Variants in ADAR observed in about 807,000 individuals in gnomAD.
ADAR encodes the protein double-stranded RNA-specific adenosine deaminase.
A neutral mutation model predicts 113.2 loss-of-function variants in ADAR; 41 were observed. The ratio of observed to expected loss-of-function variants is 0.36; its 90% CI spans 0.28 to 0.47. The LOEUF (loss-of-function observed/expected upper bound fraction) is 0.47, where lower values mean the gene tolerates loss of function less well. Among genes scored for constraint, ADAR ranks in the 20% least tolerant of loss-of-function variants. The probability of loss-of-function intolerance (pLI) is 1.00; values close to 1 mark genes in which losing one functional copy is unlikely to be tolerated. For missense variants in ADAR, 1,242 were observed against 1,540.9 expected (o/e 0.81, Z 3.25); for synonymous variants, 605 against 572.6 (o/e 1.06, Z -0.81).
chr1:154,586,156 C>A, intron 12 of ADAR, 25 bp downstream of exon 12: 1 of 1,613,684 alleles, frequency 6.2e-7, no homozygotes, highest in South Asian at 1.1e-5. Context: ...CAGACCAGTT[C>A]CAGATCCCAA....
intron 1 of ADAR, among the ~76,000 whole-genome samples, chr1:154,625,287 A>G (rs917572340): frequency 2.6e-5 from 4 of 152,196 alleles, no homozygotes; most frequent in Non-Finnish European, 5.9e-5. Flanking sequence ...CATTGCTGGG[A>G]TACTAGTCAC....
intron 1 of ADAR, among the ~76,000 whole-genome samples, chr1:154,616,525 C>A (rs1184809386): frequency 6.6e-6 from 1 of 152,184 alleles, no homozygotes; most frequent in Non-Finnish European, 1.5e-5. Context: ...GTAGTCAACA[C>A]TTCTGGAGGA....
At position 154,590,530 on chromosome 1, in the gene ADAR, C is replaced by G; in HGVS notation, c.2271-121G>C. On this transcript the variant is annotated intron_variant, in intron 6 of 14. Coordinates refer to ENST00000368474, the MANE Select transcript of ADAR (RefSeq NM_001111.5). ...AACATATGGACCCGTCAAACAGAAG[C>G]TGTTTCTAAGGCAGCATTTCCTAGA... 4 of 944,844 alleles carry G rather than the reference C, an allele frequency of 4.2e-6. No homozygotes were observed. In the South Asian group the frequency reaches 5.4e-5, roughly 13 times the overall value. The allele number at this position is 944,844 out of a possible 1,614,324, so 58.5% of individuals were successfully genotyped here.
At chr1:154,626,494 C>T (rs913384045) in intron 1 of ADAR, among the ~76,000 whole-genome samples, 1 of 152,038 alleles carries the variant, frequency 6.6e-6, no homozygotes, top group African/African-American at 2.4e-5. Context: ...TTGAGATTTC[C>T]CCTCCACTAC....
At position 154,602,261 on chromosome 1, in the gene ADAR, G is replaced by A. The variant is rs780672456; in HGVS notation, c.381C>T (p.Ser127=). The stretch of plus-strand genomic sequence containing the variant: ...AGATACTCAGTTCCTGGAAATGTGA[G>A]GAAAGGCAATCAACACCTCTCTGTG... ...SLPQRGVDCL[S]SHFQELSIYQ... The change falls in exon 2 of 15, where the codon TCC becomes TCT. Residue 127 remains serine, a synonymous_variant. Coordinates refer to ENST00000368474, the MANE Select transcript of ADAR (RefSeq NM_001111.5). 2 of 1,614,194 alleles carry A rather than the reference G, an allele frequency of 1.2e-6. No individual in the cohort carries two copies. Among genetic ancestry groups the A allele is most frequent in the Non-Finnish European group, 1.7e-6 (2 of 1,180,022 alleles).
intron 3 of ADAR, 81 bp from the exon 4 acceptor site, chr1:154,598,057 G>A: frequency 6.7e-7 from 1 of 1,498,060 alleles, no homozygotes; most frequent in Non-Finnish European, 9.1e-7. Flanking sequence ...ATGGGGATGG[G>A]GGACTTTATT....
chr1:154,620,077 A>G (rs185699823), intron 1 of ADAR, among the ~76,000 whole-genome samples: 1 of 152,346 alleles, frequency 6.6e-6, no homozygotes, highest in Non-Finnish European at 1.5e-5. Flanking sequence ...TTGCACAACA[A>G]TGTGACTATA....
intron 1 of ADAR, among the ~76,000 whole-genome samples, chr1:154,627,380 G>T (rs562363704): frequency 6.6e-6 from 1 of 152,222 alleles, no homozygotes; most frequent in Non-Finnish European, 1.5e-5. Flanking sequence ...TTATCTCTGG[G>T]ATAAAGGGCC....
At chr1:154,623,555 T>G (rs779545267) in intron 1 of ADAR, among the ~76,000 whole-genome samples, 4 of 152,228 alleles carry the variant, frequency 2.6e-5, no homozygotes, top group Non-Finnish European at 5.9e-5. Context: ...GCAGTTTACT[T>G]CCTCATCCCA....
At chr1:154,624,747 G>A (rs1305193684) in intron 1 of ADAR, among the ~76,000 whole-genome samples, 1 of 152,216 alleles carries the variant, frequency 6.6e-6, no homozygotes, top group Non-Finnish European at 1.5e-5. Context: ...TAAGGTCCAA[G>A]TCTAACAGAT....
chr1:154,585,929 G>A (rs943471826), intron 12 of ADAR, 64 bp from the exon 13 acceptor site: 1 of 1,444,782 alleles, frequency 6.9e-7, no homozygotes, highest in Non-Finnish European at 9.6e-7. Context: ...AGAGGCAGAA[G>A]CATGTGGGGA....
chr1:154,607,782 G>T (rs886457949), intron 1 of ADAR, among the ~76,000 whole-genome samples: 1 of 150,166 alleles, frequency 6.7e-6, no homozygotes, highest in African/African-American at 2.5e-5. Context: ...TCCTAAACCA[G>T]CAATGCTGCT....
In ADAR at chr1:154,589,496, G is replaced by A. The variant is rs376260864; in HGVS notation, c.2669-34C>T. 13 of 1,561,102 alleles carry A rather than the reference G, an allele frequency of 8.3e-6. No homozygotes were observed. In the African/African-American group the frequency reaches 1.8e-4, roughly 21 times the overall value. On this transcript the variant is annotated intron_variant, in intron 8 of 14. Coordinates refer to ENST00000368474, the MANE Select transcript of ADAR (RefSeq NM_001111.5). ...GTGTTTAAAACAGAAATAGAATAAT[G>A]GAAGGAAACCGATGGAAAACAGGAT...
Position 154,602,616 on chromosome 1 carries a change from AG to A in ADAR, c.25del (p.Leu9SerfsTer36). The A allele has an allele frequency of 2.5e-6, 4 of 1,614,036 alleles. No homozygotes were observed. Among genetic ancestry groups the A allele is most frequent in the Non-Finnish European group, 3.4e-6 (4 of 1,180,022 alleles). The part of the protein sequence containing the change: MNPRQGYS[L>X]SGYYTHPFQG... ...AAATGGATGGGTGTAGTATCCGCTG[AG>A]GGAATACCCCTGCAGAATAAGACAG... On this transcript the variant is annotated frameshift_variant, in exon 2 of 15. Coordinates refer to ENST00000368474, the MANE Select transcript of ADAR (RefSeq NM_001111.5). LOFTEE classifies it high-confidence loss of function.
At chr1:154,606,991 C>G (rs1698233974) in intron 1 of ADAR, among the ~76,000 whole-genome samples, 1 of 150,604 alleles carries the variant, frequency 6.6e-6, no homozygotes, top group Non-Finnish European at 1.5e-5. Flanking sequence ...AATTTAGATA[C>G]AGTAAAATTT....
chr1:154,601,874 G>A lies in ADAR; in HGVS notation c.768C>T (p.His256=), dbSNP rs752953697. ...GACTGTCTGGTCTTACCACTCCGCT[G>A]TGCTGGTTCCAAGCCTGAGCTGAGA... ...IAVSAQAWNQ[H]SGVVRPDSHS... is the part of the protein sequence containing the mutation. The change falls in exon 2 of 15, where the codon CAC becomes CAT. Residue 256 remains histidine (H), a synonymous_variant. Coordinates refer to ENST00000368474, the MANE Select transcript of ADAR (RefSeq NM_001111.5). The surrounding 1 kb of genome is among the most constrained non-coding windows in gnomAD (Gnocchi z 4.7). 18 of 1,614,126 alleles carry A rather than the reference G, an allele frequency of 1.1e-5. No homozygotes were observed. In the African/African-American group the frequency reaches 2.1e-4, roughly 19 times the overall value.
intron 1 of ADAR, among the ~76,000 whole-genome samples, chr1:154,603,429 G>A (rs1205178765): frequency 6.6e-6 from 1 of 152,082 alleles, no homozygotes; most frequent in Non-Finnish European, 1.5e-5. Context: ...AGAGACTTTT[G>A]CCCAAACCAC....
rs529506144 is a variant in ADAR at position 154,592,098 on chromosome 1, C to A, written c.2271-1689G>T. 2.6e-5 allele frequency among the ~76,000 whole-genome samples: 4 copies of A among 152,254 alleles called. No homozygotes were observed. In the South Asian group the frequency reaches 8.3e-4, roughly 32 times the overall value. ...TAGAATCCTTTAGAGCTGTGCTATCCAATATGGTAGCCACTAGCCAAATGG... is the reference window on the plus strand; with the variant it reads ...TAGAATCCTTTAGAGCTGTGCTATCAAATATGGTAGCCACTAGCCAAATGG... On this transcript the variant is annotated intron_variant, in intron 6 of 14. Coordinates refer to ENST00000368474, the MANE Select transcript of ADAR (RefSeq NM_001111.5).
At chr1:154,625,284 G>T (rs1464221793) in intron 1 of ADAR, among the ~76,000 whole-genome samples, 1 of 152,202 alleles carries the variant, frequency 6.6e-6, no homozygotes, top group East Asian at 1.9e-4. Flanking sequence ...TTACATTGCT[G>T]GGATACTAGT....
Sources: gnomAD v4.1 joint callset for allele counts (sites outside exome capture counted in the v4.1 genomes callset) on GRCh38, gnomAD v4.1.1 for gene constraint, Gnocchi (gnomAD v3.1) non-coding constraint, MANE v1.5 for transcripts, NCBI Gene and HGNC (gene_info 2026-07-23, HGNC 2026-07-21) for gene names.